Variants in PCDHA3 observed in about 807,000 individuals in gnomAD.
PCDHA3 encodes the protein protocadherin alpha 3.
PCDHA3 carries 41 observed loss-of-function variants against 62.2 expected under a neutral mutation model. That is an observed-to-expected ratio of 0.66 (90% CI 0.51 to 0.86). PCDHA3 has a LOEUF of 0.86. PCDHA3 is among the 40% of genes least tolerant of loss of function. The pLI is 0.00. For missense variants in PCDHA3, 1,304 were observed against 1,241.2 expected (o/e 1.05, Z -0.76); for synonymous variants, 640 against 555.4 (o/e 1.15, Z -2.14).
Position 140,842,478 on chromosome 5 carries a change from C to A in PCDHA3, c.2394+38887C>A, listed in dbSNP as rs2150337029. 3.7e-4 allele frequency: 597 copies of A among 1,613,926 alleles called. 9 individuals carry two copies. The African/African-American group carries it at 6.5e-3, about 18-fold the overall frequency. On this transcript the variant is annotated intron_variant, in intron 1 of 3. Transcript: ENST00000522353. ...GATTCAGGTGCCAACGGGCAGGTGA[C>A]CTGCTCCCTGATGCCCCATGTCCCC...
rs2150109199 is a variant in PCDHA3, at chr5:140,821,298, T to C, written c.2394+17707T>C. On this transcript the variant is annotated intron_variant, in intron 1 of 3. Coordinates refer to ENST00000522353, the MANE Select transcript of PCDHA3 (RefSeq NM_018906.3). ...TTGGAAATATATAAACTCCTCCCTATATAAAATACACCAGCACAAATTTCT... is the reference window on the plus strand; with the variant it reads ...TTGGAAATATATAAACTCCTCCCTACATAAAATACACCAGCACAAATTTCT... 7.9e-5 allele frequency among the ~76,000 whole-genome samples: 12 copies of C among 152,314 alleles called. No individual in the cohort carries two copies. In the South Asian group the frequency reaches 2.3e-3, roughly 29 times the overall value.
Position 140,802,250 on chromosome 5 carries a change from T to C in PCDHA3, c.1053T>C (p.Val351=). Residue 351 remains valine (V), a synonymous_variant, in exon 1 of 4, where the codon GTT becomes GTC. Transcript: ENST00000522353. ...VDINDNVPEL[V]IQSLSLPVLE... ...TCAATGATAATGTACCTGAGTTAGT[T>C]ATTCAATCACTATCTTTACCTGTAT... is the stretch of plus-strand genomic sequence containing the variant. 6.2e-7 allele frequency: 1 copy of C among 1,614,252 alleles called. No homozygotes were observed. The highest frequency in any genetic ancestry group is 8.5e-7 in the Non-Finnish European group (1 of 1,180,040).
intron 1 of PCDHA3, chr5:140,847,368 A>G (rs1038901012): frequency 6.7e-6 from 1 of 149,822 alleles, no homozygotes; most frequent in African/African-American, 2.4e-5. Flanking sequence ...AATACGAAAT[A>G]AAAGATAAAT....
At chr5:140,823,770 G>A (rs2150128966) in intron 1 of PCDHA3, 5 of 1,613,894 alleles carry the variant, frequency 3.1e-6, no homozygotes, top group East Asian at 4.5e-5. Flanking sequence ...CCACAGTGCT[G>A]GTGTCGCTGG....
At chr5:140,914,929 G>A (rs1167844428) in intron 1 of PCDHA3, among the ~76,000 whole-genome samples, 2 of 145,306 alleles carry the variant, frequency 1.4e-5, no homozygotes, top group African/African-American at 5.0e-5. Flanking sequence ...ATTGTACTAT[G>A]TTGTGAAAAG....
At chr5:140,809,210 G>A (rs1764395892) in intron 1 of PCDHA3, 2 of 1,613,956 alleles carry the variant, frequency 1.2e-6, no homozygotes, top group African/African-American at 2.7e-5. Context: ...GAGTGGACAG[G>A]CGCCAAAGGC....
At chr5:140,858,360 GC>G (rs1562537531) in intron 1 of PCDHA3, 1 of 1,592,532 alleles carries the variant, frequency 6.3e-7, no homozygotes. Context: ...ATGGCCTTCA[GC>G]CCCAGCCTTC....
intron 1 of PCDHA3, chr5:140,877,489 G>A: frequency 6.2e-7 from 1 of 1,613,844 alleles, no homozygotes; most frequent in Non-Finnish European, 8.5e-7. Context: ...GGTGGAGAAC[G>A]GCCAGGCCCC....
intron 1 of PCDHA3, chr5:140,808,973 G>T: frequency 6.2e-7 from 1 of 1,613,674 alleles, no homozygotes; most frequent in Non-Finnish European, 8.5e-7. Flanking sequence ...AAAGGTGCGC[G>T]CGGTGGATGC....
chr5:140,807,725 C>T (rs782588893), intron 1 of PCDHA3: 5 of 1,614,176 alleles, frequency 3.1e-6, no homozygotes, highest in Non-Finnish European at 4.2e-6. Context: ...ATACTTTTCT[C>T]TGGAAAAACC....
At chr5:140,923,181 A>T (rs2081206798) in intron 1 of PCDHA3, among the ~76,000 whole-genome samples, 1 of 152,158 alleles carries the variant, frequency 6.6e-6, no homozygotes, top group Non-Finnish European at 1.5e-5. Flanking sequence ...GTTCAGATGC[A>T]TCTACTGCAG....
intron 3 of PCDHA3, among the ~76,000 whole-genome samples, chr5:140,999,845 T>C (rs1293721817): frequency 6.6e-6 from 1 of 152,188 alleles, no homozygotes; most frequent in African/African-American, 2.4e-5. Context: ...CAAGTGTATT[T>C]ATCTCTTCCG....
In PCDHA3 at chr5:140,801,222, C is replaced by G. The variant is rs781901922; in HGVS notation, c.25C>G (p.Pro9Ala). 4 of 1,610,178 alleles carry G rather than the reference C, an allele frequency of 2.5e-6. No homozygotes were observed. In the African/African-American group the frequency reaches 5.3e-5, roughly 22 times the overall value. MLFSWRED[P>A]GAQCLLLSLL... is the part of the protein sequence containing the mutation. ...AATGTTGTTCTCCTGGCGAGAAGAT[C>G]CTGGAGCCCAGTGCCTGCTGCTTTC... Residue 9 changes from proline (P) to alanine (A), a missense_variant, in exon 1 of 4, where the codon CCT becomes GCT. By Grantham distance (27) the Pro-to-Ala change is conservative. Transcript: ENST00000522353.
chr5:140,891,056 T>C (rs2062933451), intron 1 of PCDHA3, among the ~76,000 whole-genome samples: 1 of 152,196 alleles, frequency 6.6e-6, no homozygotes, highest in Non-Finnish European at 1.5e-5. Context: ...CAGCACATAG[T>C]AAATATTATT....
At chr5:140,927,146 A>T (rs2083897470) in intron 1 of PCDHA3, 1 of 1,614,156 alleles carries the variant, frequency 6.2e-7, no homozygotes, top group East Asian at 2.2e-5. Context: ...GACCGCGAAC[A>T]GCTGTGCAGG....
chr5:140,857,076 A>C (rs782010117), intron 1 of PCDHA3: 1 of 1,596,990 alleles, frequency 6.3e-7, no homozygotes, highest in Admixed American at 1.7e-5. Flanking sequence ...CTGGATGAAA[A>C]TGATAATTCA....
At chr5:140,882,049 T>G in intron 1 of PCDHA3, 2 of 752,814 alleles carry the variant, frequency 2.7e-6, no homozygotes, top group Non-Finnish European at 4.1e-6. Context: ...TGAGTCATAC[T>G]TACACTTACA....
chr5:140,926,791 G>A, intron 1 of PCDHA3: 6 of 1,439,200 alleles, frequency 4.2e-6, no homozygotes, highest in East Asian at 2.5e-5. Context: ...GCCGGCAGGA[G>A]CGTGCTCTTC....
chr5:140,808,193 G>C, intron 1 of PCDHA3: 1 of 1,614,238 alleles, frequency 6.2e-7, no homozygotes, highest in East Asian at 2.2e-5. Context: ...CCATTGTAGA[G>C]TTATTGTGGA....
Sources: allele counts gnomAD v4.1 joint callset (sites outside exome capture counted in the v4.1 genomes callset), GRCh38; gene constraint gnomAD v4.1.1; transcripts MANE v1.5; gene names NCBI Gene and HGNC (gene_info 2026-07-23, HGNC 2026-07-21).